The following THSD7A variants were observed in gnomAD, a reference collection of about 807,000 sequenced individuals.
THSD7A encodes thrombospondin type 1 domain containing 7A, also known as thrombospondin type-1 domain-containing protein 7A.
Under a neutral mutation model 231.3 loss-of-function variants are expected in THSD7A, and 96 were observed. The ratio of observed to expected loss-of-function variants is 0.41; its 90% CI spans 0.35 to 0.49. The LOEUF (loss-of-function observed/expected upper bound fraction) is 0.49, where lower values mean the gene tolerates loss of function less well. Ranked by LOEUF, THSD7A falls within the 20% of genes least tolerant of loss-of-function variation. The probability of loss-of-function intolerance (pLI) is 0.05; values close to 1 mark genes in which losing one functional copy is unlikely to be tolerated. For missense variants in THSD7A, 2,290 were observed against 2,070.2 expected (o/e 1.11, Z -2.06); for synonymous variants, 940 against 743.3 (o/e 1.26, Z -4.30).
At chr7:11,391,615 C>T (rs1212741539) in intron 23 of THSD7A, among the ~76,000 whole-genome samples, 1 of 137,888 alleles carries the variant, frequency 7.3e-6, no homozygotes, top group African/African-American at 3.5e-5. Context: ...TCTGTCCTGG[C>T]AGTGAATGGT....
At chr7:11,588,765 T>C (rs1461206911) in intron 4 of THSD7A, among the ~76,000 whole-genome samples, 2 of 152,212 alleles carry the variant, frequency 1.3e-5, no homozygotes, top group African/African-American at 4.8e-5. Context: ...TATACTACCC[T>C]GGAAAGACTG....
intron 1 of THSD7A, among the ~76,000 whole-genome samples, chr7:11,649,348 G>A (rs933470527): frequency 4.6e-5 from 7 of 151,916 alleles, no homozygotes; most frequent in Admixed American, 4.6e-4. Flanking sequence ...GAACCACCTG[G>A]CTAAACTGTA....
intron 2 of THSD7A, among the ~76,000 whole-genome samples, chr7:11,602,458 A>G (rs1301925917): frequency 6.6e-6 from 1 of 152,134 alleles, no homozygotes; most frequent in Admixed American, 6.6e-5. Context: ...TAATTTTGCT[A>G]GGGGAGGTAC....
Position 11,474,085 on chromosome 7 carries a change from A to G in THSD7A, c.2252+249T>C, listed in dbSNP as rs776754490. ...TGCCTCACTAGCTTAATAAAAGCAG[A>G]AAGTGCTACTATAAAACAGAGAGTA... is the stretch of plus-strand genomic sequence containing the variant. On this transcript the variant is annotated intron_variant, in intron 8 of 27. Transcript: ENST00000423059. The surrounding 1 kb of genome is among the most constrained non-coding windows in gnomAD (Gnocchi z 4.1). Among the ~76,000 whole-genome samples the G allele has an allele frequency of 2.1e-4, 32 of 152,186 alleles. No individual in the cohort carries two copies. Among genetic ancestry groups the G allele is most frequent in the Admixed American group, 1.2e-3 (19 of 15,272 alleles).
At chr7:11,544,627 T>C (rs994401605) in intron 4 of THSD7A, among the ~76,000 whole-genome samples, 15 of 152,240 alleles carry the variant, frequency 9.9e-5, no homozygotes, top group African/African-American at 3.1e-4. Flanking sequence ...AGACAAATTG[T>C]AAGCACTTTT....
chr7:11,820,931 A>G, intron 1 of THSD7A: 1 of 965,304 alleles, frequency 1.0e-6, no homozygotes, highest in Non-Finnish European at 1.6e-6. Flanking sequence ...CTCGCTGAAG[A>G]TCTCTCTCCT....
chr7:11,581,471 T>G (rs1489696434), intron 4 of THSD7A, among the ~76,000 whole-genome samples: 2 of 152,060 alleles, frequency 1.3e-5, no homozygotes, highest in Non-Finnish European at 2.9e-5. Flanking sequence ...TCTTTGCCAA[T>G]GTCATTTTTG....
intron 1 of THSD7A, among the ~76,000 whole-genome samples, chr7:11,644,777 C>A (rs933640019): frequency 3.3e-5 from 5 of 151,872 alleles, no homozygotes; most frequent in African/African-American, 4.8e-5. Context: ...AATTACTTAA[C>A]CTCTTTGCGT....
intron 4 of THSD7A, among the ~76,000 whole-genome samples, chr7:11,565,720 C>T (rs1790284432): frequency 6.6e-6 from 1 of 152,166 alleles, no homozygotes; most frequent in Non-Finnish European, 1.5e-5. Flanking sequence ...TTCTAGAACC[C>T]CTAGACCATG....
At chr7:11,381,208 A>G (rs1238203711) in intron 24 of THSD7A, among the ~76,000 whole-genome samples, 1 of 152,184 alleles carries the variant, frequency 6.6e-6, no homozygotes, top group East Asian at 1.9e-4. Flanking sequence ...AGAGTGGGGT[A>G]GATGGAGCAG....
intron 6 of THSD7A, among the ~76,000 whole-genome samples, chr7:11,539,897 A>G (rs1421516040): frequency 1.3e-5 from 2 of 152,242 alleles, no homozygotes; most frequent in African/African-American, 2.4e-5. Context: ...CTATGGAAGG[A>G]CAAGCAAAAT....
chr7:11,474,341 G>T lies in THSD7A; in HGVS notation c.2245C>A (p.Pro749Thr). Residue 749 changes from proline to threonine, a missense_variant, in exon 8 of 28, where the codon CCC (proline) becomes ACC (threonine). Transcript: ENST00000423059. This position sits in a 1 kb window ranked among gnomAD's most constrained non-coding sequence, Gnocchi z 4.1. ...CVRVNVGQVG[P>T]KKCPESLRPE... The stretch of plus-strand genomic sequence containing the variant: ...TCATTCTAAAGCTCTTACTTTTTGG[G>T]TCCCACTTGGCCCACATTGACTCGC... 1 of 1,606,282 alleles carries T rather than the reference G, an allele frequency of 6.2e-7. No individual in the cohort carries two copies. Among genetic ancestry groups the T allele is most frequent in the Non-Finnish European group, 8.5e-7 (1 of 1,175,774 alleles).
intron 2 of THSD7A, among the ~76,000 whole-genome samples, chr7:11,617,894 A>T (rs573511217): frequency 6.6e-6 from 1 of 152,164 alleles, no homozygotes; most frequent in Non-Finnish European, 1.5e-5. Context: ...GTAAATGACA[A>T]GTTAATGGGT....
chr7:11,623,086 T>G (rs1242288057), intron 2 of THSD7A, among the ~76,000 whole-genome samples: 1 of 152,190 alleles, frequency 6.6e-6, no homozygotes, highest in East Asian at 1.9e-4. Flanking sequence ...TATTGCTACA[T>G]TCATGGACTA....
At chr7:11,506,062 T>C (rs967302365) in intron 6 of THSD7A, among the ~76,000 whole-genome samples, 3 of 152,174 alleles carry the variant, frequency 2.0e-5, no homozygotes, top group Admixed American at 6.5e-5. Context: ...GAAGCAGGAA[T>C]GAAGCAGCAT....
intron 2 of THSD7A, among the ~76,000 whole-genome samples, chr7:11,615,234 C>G (rs1381936838): frequency 6.6e-6 from 1 of 152,182 alleles, no homozygotes; most frequent in Non-Finnish European, 1.5e-5. Context: ...GGGACATGAT[C>G]ACCCTGACTT....
At position 11,706,630 on chromosome 7, in the gene THSD7A, C is replaced by CTTTTTTTTTTTTTTTT. The variant is rs66964252; in HGVS notation, c.191-69685_191-69670dup. Among the ~76,000 whole-genome samples, 446 of 66,378 alleles carry CTTTTTTTTTTTTTTTT rather than the reference C, an allele frequency of 6.7e-3. 40 individuals carry two copies. Among genetic ancestry groups the CTTTTTTTTTTTTTTTT allele is most frequent in the Non-Finnish European group, 9.1e-3 (334 of 36,886 alleles). 43.5% of individuals were successfully genotyped at this position (66,378 alleles called of 152,430 possible). A position where few individuals can be genotyped will look rare whatever the true frequency, so the allele number is the denominator to read the frequency against. ...ATTGACTAAAAATTTTAACAAGGTG[C>CTTTTTTTTTTTTTTTT]TTTTTTTTTTTTTTTTTTTTTTTTT... On this transcript the variant is annotated intron_variant, in intron 1 of 27. Coordinates refer to ENST00000423059, the MANE Select transcript of THSD7A (RefSeq NM_015204.3).
intron 1 of THSD7A, among the ~76,000 whole-genome samples, chr7:11,670,947 T>C (rs915211092): frequency 5.3e-5 from 8 of 152,188 alleles, no homozygotes; most frequent in African/African-American, 1.9e-4. Context: ...TCTTAAATGG[T>C]GAGTCTCCTT....
intron 4 of THSD7A, among the ~76,000 whole-genome samples, chr7:11,573,565 G>C (rs1223292848): frequency 6.6e-6 from 1 of 152,184 alleles, no homozygotes; most frequent in Non-Finnish European, 1.5e-5. Context: ...AAAAACAGCT[G>C]CTTTATATAA....
Sources: gnomAD v4.1 joint callset for allele counts (sites outside exome capture counted in the v4.1 genomes callset) on GRCh38, gnomAD v4.1.1 for gene constraint, Gnocchi (gnomAD v3.1) non-coding constraint, MANE v1.5 for transcripts, NCBI Gene and HGNC (gene_info 2026-07-23, HGNC 2026-07-21) for gene names.